PINX1: variants seen among roughly 807,000 people sequenced by gnomAD.
The protein encoded by PINX1 is PIN2 (TERF1) interacting telomerase inhibitor 1, also known as PIN2/TERF1-interacting telomerase inhibitor 1.
Under a neutral mutation model 25.4 loss-of-function variants are expected in PINX1, and 34 were observed. The ratio of observed to expected loss-of-function variants is 1.34; its 90% confidence interval spans 1.02 to 1.78. PINX1 has a LOEUF of 1.78. PINX1 is among the 40% of genes most tolerant of loss of function. The probability of loss-of-function intolerance (pLI) is 0.00; values close to 1 mark genes in which losing one functional copy is unlikely to be tolerated. For synonymous variants in PINX1, 197 were observed against 147.7 expected (o/e 1.33, Z -2.42); for missense variants, 592 against 404.9 (o/e 1.46, Z -3.97).
chr8:10,770,171 G>A (rs1305596333), intron 6 of PINX1, among the ~76,000 whole-genome samples: 2 of 152,228 alleles, frequency 1.3e-5, no homozygotes. Context: ...TTGGGCAGAT[G>A]CTGGACAGCT....
intron 1 of PINX1, among the ~76,000 whole-genome samples, chr8:10,839,391 A>C (rs1798500179): frequency 6.6e-6 from 1 of 152,220 alleles, no homozygotes; most frequent in African/African-American, 2.4e-5. Flanking sequence ...CAGGAAGCTG[A>C]GGTCCGGGGT....
chr8:10,788,725 A>G (rs1445003040), intron 6 of PINX1, among the ~76,000 whole-genome samples: 1 of 152,186 alleles, frequency 6.6e-6, no homozygotes, highest in Non-Finnish European at 1.5e-5. Flanking sequence ...ATCCTAGGAG[A>G]AATCATCGTG....
At chr8:10,788,062 T>A (rs1384274293) in intron 6 of PINX1, among the ~76,000 whole-genome samples, 1 of 152,174 alleles carries the variant, frequency 6.6e-6, no homozygotes, top group Non-Finnish European at 1.5e-5. Context: ...GGAGTCCTTA[T>A]CTTTTAGATA....
At chr8:10,772,091 A>C (rs1801244256) in intron 6 of PINX1, among the ~76,000 whole-genome samples, 1 of 152,248 alleles carries the variant, frequency 6.6e-6, no homozygotes, top group Non-Finnish European at 1.5e-5. Flanking sequence ...AGTTGAACAC[A>C]AGCAATGCCA....
At chr8:10,772,318 G>C (rs1021967740) in intron 6 of PINX1, among the ~76,000 whole-genome samples, 4 of 152,248 alleles carry the variant, frequency 2.6e-5, no homozygotes, top group Non-Finnish European at 5.9e-5. Context: ...GGGAGTCATT[G>C]AAATGGGTTT....
intron 1 of PINX1, among the ~76,000 whole-genome samples, chr8:10,836,165 T>C (rs746127162): frequency 5.9e-5 from 9 of 151,810 alleles, no homozygotes; most frequent in Non-Finnish European, 1.0e-4. Flanking sequence ...ATAAAATCAA[T>C]AGAGGCCCAT....
chr8:10,771,877 G>C (rs935779234), intron 6 of PINX1, among the ~76,000 whole-genome samples: 4 of 152,234 alleles, frequency 2.6e-5, no homozygotes, highest in Admixed American at 2.0e-4. Flanking sequence ...AACTACTGCA[G>C]AGTACATCTG....
chr8:10,825,903 T>C (rs1202728747), intron 5 of PINX1, among the ~76,000 whole-genome samples: 2 of 152,240 alleles, frequency 1.3e-5, no homozygotes, highest in Non-Finnish European at 2.9e-5. Flanking sequence ...ATTTTTTAGC[T>C]CAGCCACAGG....
intron 6 of PINX1, 39 bp from the exon 7 acceptor site, chr8:10,765,955 A>C (rs1801029014): frequency 6.3e-7 from 1 of 1,597,598 alleles, no homozygotes; most frequent in South Asian, 1.1e-5. Flanking sequence ...GGTAAGCATC[A>C]ACTGTTCATC....
At chr8:10,819,898 A>G (rs1307946599) in intron 6 of PINX1, among the ~76,000 whole-genome samples, 2 of 152,156 alleles carry the variant, frequency 1.3e-5, no homozygotes, top group Non-Finnish European at 2.9e-5. Context: ...TTCCCCTCTG[A>G]TTGTATCGGC....
chr8:10,776,796 G>A (rs192124533), intron 6 of PINX1, among the ~76,000 whole-genome samples: 13 of 152,216 alleles, frequency 8.5e-5, no homozygotes, highest in East Asian at 7.7e-4. Context: ...TTCAGACTAC[G>A]GCTGGAGACG....
At chr8:10,771,303 A>T (rs1199650814) in intron 6 of PINX1, 1 of 152,140 alleles carries the variant, frequency 6.6e-6, no homozygotes, top group Non-Finnish European at 1.5e-5. Context: ...GGATGAACTG[A>T]CCCAGTCACT....
At chr8:10,822,229 C>T (rs1797900224) in intron 5 of PINX1, 1 of 152,022 alleles carries the variant, frequency 6.6e-6, no homozygotes, top group Non-Finnish European at 1.5e-5. Flanking sequence ...GAGATAGTTA[C>T]TAATTAATGG....
At position 10,836,130 on chromosome 8, in the gene PINX1, G is replaced by A. The variant is rs576356761; in HGVS notation, c.20-1355C>T. The stretch of plus-strand genomic sequence containing the variant: ...TAATTAAAAAATAACATGACCCCCT[G>A]TCAAAGGGGCTCACTGTGGCACACA... On this transcript the variant is annotated intron_variant, in intron 1 of 6. Transcript: ENST00000314787. Among the ~76,000 whole-genome samples the A allele has an allele frequency of 7.9e-5, 12 of 152,122 alleles. No individual in the cohort carries two copies. The South Asian group carries it at 2.5e-3, about 32-fold the overall frequency.
chr8:10,792,175 T>TG (rs1801944022), intron 6 of PINX1, among the ~76,000 whole-genome samples: 1 of 152,108 alleles, frequency 6.6e-6, no homozygotes, highest in Non-Finnish European at 1.5e-5. Context: ...GCAGATGCGC[T>TG]GGCCTCGCTC....
rs575632424 is a variant in PINX1 at position 10,814,340 on chromosome 8, G to A, written c.471+5853C>T. ...TTGAAGCAAGTACTTCTGAATAGCCGGATTCAGCAGGGAAACAGCGCCTCC... is the reference window on the plus strand; with the variant it reads ...TTGAAGCAAGTACTTCTGAATAGCCAGATTCAGCAGGGAAACAGCGCCTCC... On this transcript the variant is annotated intron_variant, in intron 6 of 6. Transcript: ENST00000314787. Among the ~76,000 whole-genome samples, 13 of 152,258 alleles carry A rather than the reference G, an allele frequency of 8.5e-5. No individual in the cohort carries two copies. In the South Asian group the frequency reaches 2.5e-3, roughly 29 times the overall value.
intron 6 of PINX1, among the ~76,000 whole-genome samples, chr8:10,798,296 C>T (rs1194439141): frequency 6.6e-6 from 1 of 152,238 alleles, no homozygotes; most frequent in Non-Finnish European, 1.5e-5. Flanking sequence ...GAGAGCAGCA[C>T]AGGCTCCAGC....
chr8:10,781,825 C>T (rs1171881867), intron 6 of PINX1, among the ~76,000 whole-genome samples: 1 of 152,154 alleles, frequency 6.6e-6, no homozygotes, highest in African/African-American at 2.4e-5. Flanking sequence ...CCCAGCAACC[C>T]CTCTTCTGGA....
chr8:10,812,226 G>A (rs186992889), intron 6 of PINX1, among the ~76,000 whole-genome samples: 184 of 152,264 alleles, frequency 1.2e-3, no homozygotes, highest in African/African-American at 4.2e-3. Context: ...TGAATAAAGC[G>A]CATAAGTAGA....
Sources: allele counts gnomAD v4.1 joint callset (sites outside exome capture counted in the v4.1 genomes callset), GRCh38; gene constraint gnomAD v4.1.1; transcripts MANE v1.5; gene names NCBI Gene and HGNC (gene_info 2026-07-23, HGNC 2026-07-21).